NRXN1: variants seen among roughly 807,000 people sequenced by gnomAD.
The protein encoded by NRXN1 is neurexin-1.
NRXN1 carries 39 observed loss-of-function variants against 150.9 expected under a neutral mutation model. The ratio of observed to expected loss-of-function variants is 0.26; its 90% CI spans 0.20 to 0.34. NRXN1 has a LOEUF of 0.34. Among genes scored for constraint, NRXN1 ranks in the 10% least tolerant of loss-of-function variants. NRXN1 has a pLI of 1.00. For synonymous variants in NRXN1, 924 were observed against 757.0 expected (o/e 1.22, Z -3.62); for missense variants, 1,815 against 1,949.9 (o/e 0.93, Z 1.30).
At chr2:50,803,279 T>A (rs761050702) in intron 5 of NRXN1, among the ~76,000 whole-genome samples, 30 of 152,186 alleles carry the variant, frequency 2.0e-4, no homozygotes, top group Non-Finnish European at 3.7e-4. Flanking sequence ...ATGATGATGA[T>A]CTGAGAAGCC....
At chr2:50,417,305 A>C (rs970858447) in intron 17 of NRXN1, 5 of 152,134 alleles carry the variant, frequency 3.3e-5, no homozygotes, top group African/African-American at 4.8e-5. Flanking sequence ...GTTCAATTCA[A>C]TGTAGAAATA....
chr2:50,441,628 C>A (rs2085962469), intron 17 of NRXN1, among the ~76,000 whole-genome samples: 1 of 152,108 alleles, frequency 6.6e-6, no homozygotes, highest in African/African-American at 2.4e-5. Context: ...TCCATAGAAA[C>A]AACAAATCGT....
intron 5 of NRXN1, among the ~76,000 whole-genome samples, chr2:50,631,887 T>C (rs1250284231): frequency 2.0e-5 from 3 of 151,954 alleles, no homozygotes; most frequent in African/African-American, 7.2e-5. Flanking sequence ...CTATAAGAAC[T>C]AGATGCTGTA....
At chr2:50,328,899 C>T (rs752385976) in intron 17 of NRXN1, among the ~76,000 whole-genome samples, 9 of 152,156 alleles carry the variant, frequency 5.9e-5, no homozygotes, top group Non-Finnish European at 1.0e-4. Context: ...CCTTCTAACA[C>T]ATCTTGTCTC....
At chr2:50,064,816 A>C (rs757580771) in intron 19 of NRXN1, among the ~76,000 whole-genome samples, 1 of 152,190 alleles carries the variant, frequency 6.6e-6, no homozygotes, top group African/African-American at 2.4e-5. Flanking sequence ...ACAAAGTTGA[A>C]GCTTATAAAG....
chr2:50,935,017 C>G (rs1006853623), intron 2 of NRXN1, among the ~76,000 whole-genome samples: 1 of 152,070 alleles, frequency 6.6e-6, no homozygotes, highest in Admixed American at 6.6e-5. Context: ...TACTCTTAAG[C>G]CCCTCATTCT....
intron 5 of NRXN1, chr2:50,829,525 C>T (rs551501117): frequency 2.7e-5 from 44 of 1,608,396 alleles, no homozygotes; most frequent in Middle Eastern, 2.2e-4. Flanking sequence ...GTGGCAAGTG[C>T]GATGGCCTTA....
intron 2 of NRXN1, chr2:50,963,899 G>T (rs1007983907): frequency 5.7e-6 from 2 of 351,474 alleles, no homozygotes; most frequent in Non-Finnish European, 1.1e-5. Context: ...ATAAATATTT[G>T]TTTAATGAAT....
intron 5 of NRXN1, among the ~76,000 whole-genome samples, chr2:50,881,501 CT>C (rs1284624456): frequency 6.6e-6 from 1 of 151,876 alleles, no homozygotes; most frequent in Non-Finnish European, 1.5e-5. Flanking sequence ...CATTAAGAAG[CT>C]TTGTTGTCAT....
chr2:50,805,938 C>G (rs1189650981), intron 5 of NRXN1, among the ~76,000 whole-genome samples: 1 of 152,068 alleles, frequency 6.6e-6, no homozygotes, highest in Non-Finnish European at 1.5e-5. Flanking sequence ...CAGAACATAC[C>G]TACCTATATT....
chr2:50,087,372 T>C (rs566785017), intron 19 of NRXN1, among the ~76,000 whole-genome samples: 2 of 152,256 alleles, frequency 1.3e-5, no homozygotes, highest in East Asian at 1.9e-4. Context: ...AAGAAATCTT[T>C]TGACACACTG....
chr2:50,003,575 A>G (rs1684286070), intron 21 of NRXN1, among the ~76,000 whole-genome samples: 1 of 152,110 alleles, frequency 6.6e-6, no homozygotes, highest in African/African-American at 2.4e-5. Flanking sequence ...ACTCAAAACA[A>G]TTTTCAGAAT....
chr2:50,047,723 T>A (rs1169943247), intron 21 of NRXN1, among the ~76,000 whole-genome samples: 1 of 152,064 alleles, frequency 6.6e-6, no homozygotes, highest in Non-Finnish European at 1.5e-5. Flanking sequence ...TTTTTTTCTT[T>A]TTTCCTGCAG....
intron 2 of NRXN1, among the ~76,000 whole-genome samples, chr2:50,955,926 C>G (rs1268184942): frequency 6.6e-6 from 1 of 152,174 alleles, no homozygotes; most frequent in Non-Finnish European, 1.5e-5. Flanking sequence ...TTCCCAGAGT[C>G]TGCCGGGCAG....
intron 15 of NRXN1, among the ~76,000 whole-genome samples, 189 bp from the exon 16 acceptor site, chr2:50,472,660 T>C (rs184113272): frequency 1.7e-3 from 261 of 151,942 alleles, no homozygotes; most frequent in African/African-American, 5.7e-3. Context: ...CTAGGAGACA[T>C]TTCTAAAAGC....
At chr2:50,374,039 T>C (rs2080302389) in intron 17 of NRXN1, among the ~76,000 whole-genome samples, 1 of 151,382 alleles carries the variant, frequency 6.6e-6, no homozygotes, top group East Asian at 2.0e-4. Context: ...GGCTCACACT[T>C]GTAATCTCAG....
intron 17 of NRXN1, among the ~76,000 whole-genome samples, chr2:50,407,603 T>A (rs753076452): frequency 1.8e-4 from 28 of 152,036 alleles, no homozygotes; most frequent in Non-Finnish European, 3.7e-4. Flanking sequence ...GATGTGTTAA[T>A]CCATCTGTGG....
intron 19 of NRXN1, among the ~76,000 whole-genome samples, chr2:50,067,057 G>C (rs1029641226): frequency 1.3e-5 from 2 of 152,158 alleles, no homozygotes; most frequent in Non-Finnish European, 1.5e-5. Context: ...CGTGACTAAT[G>C]CTTCAGATGA....
intron 5 of NRXN1, among the ~76,000 whole-genome samples, chr2:50,675,755 G>T (rs1448538251): frequency 1.3e-5 from 2 of 152,062 alleles, no homozygotes; most frequent in African/African-American, 4.8e-5. Context: ...TGAGGAATCT[G>T]AATTTTATGA....
Sources: allele counts gnomAD v4.1 joint callset (sites outside exome capture counted in the v4.1 genomes callset), GRCh38; gene constraint gnomAD v4.1.1; transcripts MANE v1.5; gene names NCBI Gene and HGNC (gene_info 2026-07-23, HGNC 2026-07-21).